The following HGSNAT variants were observed in gnomAD, a reference collection of about 807,000 sequenced individuals.
The protein encoded by HGSNAT is transmembrane protein 76.
HGSNAT carries 59 observed loss-of-function variants against 85.2 expected under a neutral mutation model. The observed-to-expected ratio is 0.69, with a 90% confidence interval of 0.56 to 0.86. The LOEUF (loss-of-function observed/expected upper bound fraction) is 0.86. HGSNAT is among the 40% of genes least tolerant of loss of function. The probability of loss-of-function intolerance (pLI) is 0.00; values close to 1 mark genes in which losing one functional copy is unlikely to be tolerated. For synonymous variants in HGSNAT, 321 were observed against 304.5 expected, an observed-to-expected ratio of 1.05 and a Z score of -0.56; for missense variants, 756 against 777.1, an observed-to-expected ratio of 0.97 and a Z score of 0.32.
rs764139757 is a variant in HGSNAT at position 43,173,592 on chromosome 8, T to C, written c.821-121T>C. ...CCACAAAGTGTTGGGATTACGGGCA[T>C]GAGTCACTGCGCCTCCCCTGGGTTT... On this transcript the variant is annotated intron_variant, in intron 8 of 17. Coordinates refer to ENST00000379644, the MANE Select transcript of HGSNAT (RefSeq NM_152419.3). 118 of 1,058,104 alleles carry C rather than the reference T, an allele frequency of 1.1e-4. No homozygotes were observed. In the Middle Eastern group the frequency reaches 2.0e-3, roughly 18 times the overall value. 65.5% of individuals were successfully genotyped at this position (1,058,104 alleles called of 1,614,324 possible).
chr8:43,143,406 C>G (rs867821963), intron 1 of HGSNAT, among the ~76,000 whole-genome samples: 1 of 152,152 alleles, frequency 6.6e-6, no homozygotes, highest in African/African-American at 2.4e-5. Flanking sequence ...ACTGGTTAGC[C>G]GTTATGTGCA....
chr8:43,189,333 G>A (rs1475042871), intron 11 of HGSNAT, among the ~76,000 whole-genome samples: 2 of 152,152 alleles, frequency 1.3e-5, no homozygotes, highest in Non-Finnish European at 2.9e-5. Context: ...CTCAGCAATG[G>A]CGGATGCCCT....
intron 7 of HGSNAT, 47 bp downstream of exon 7, chr8:43,170,741 C>G: frequency 8.3e-7 from 1 of 1,204,992 alleles, no homozygotes; most frequent in East Asian, 2.5e-5. Flanking sequence ...AGTCACAGGA[C>G]TACATAATTG....
chr8:43,196,548 T>C (rs1254864791), intron 14 of HGSNAT: 3 of 1,278,524 alleles, frequency 2.3e-6, no homozygotes, highest in Non-Finnish European at 3.1e-6. Context: ...CAGGTGCCCC[T>C]TCTCCTCCTT....
In HGSNAT at chr8:43,166,715, C is replaced by T. The variant is rs143374706; in HGVS notation, c.564-2458C>T. ...CTGTAACACAATATCCATTCTGCAG[C>T]CCATGGATCAAGGAGTAATATTGAT... is the stretch of plus-strand genomic sequence containing the variant. On this transcript the variant is annotated intron_variant, in intron 5 of 17. Transcript: ENST00000379644. Among the ~76,000 whole-genome samples the T allele has an allele frequency of 4.2e-3, 635 of 152,230 alleles. 3 individuals are homozygous for T. The highest frequency in any genetic ancestry group is 0.015 in the African/African-American group (616 of 41,520).
rs1422478369 is a variant in HGSNAT, at chr8:43,147,009, T to C, written c.180T>C (p.Asn60=). Residue 60 remains asparagine, a synonymous_variant, in exon 2 of 18, where the codon AAT becomes AAC. Coordinates refer to ENST00000379644, the MANE Select transcript of HGSNAT (RefSeq NM_152419.3). ...ATCAGGCTTTGCTACTCATCCATAA[T>C]GAACTTCTCTGGACCAACTTGACCG... ...KMDQALLLIH[N]ELLWTNLTVY... The C allele has an allele frequency of 2.5e-6, 4 of 1,611,168 alleles. No individual in the cohort carries two copies. Among genetic ancestry groups the C allele is most frequent in the Non-Finnish European group, 3.4e-6 (4 of 1,179,184 alleles).
Position 43,199,940 on chromosome 8 carries a change from CT to C in HGSNAT, c.*372del, listed in dbSNP as rs1804864339. 1 of 162,794 alleles carries C rather than the reference CT, an allele frequency of 6.1e-6. No homozygotes were observed. The highest frequency in any genetic ancestry group is 2.0e-4 in the South Asian group (1 of 5,002). 10.1% of individuals were successfully genotyped at this position (162,794 alleles called of 1,614,324 possible). On this transcript the variant is annotated 3_prime_UTR_variant, in exon 18 of 18. Coordinates refer to ENST00000379644, the MANE Select transcript of HGSNAT (RefSeq NM_152419.3). ...TCTGGTTCTTGCTGACCTTGTTGCC[CT>C]GCAAACTTCCTTTCCACGTGTACGC...
At chr8:43,197,618 T>G in intron 15 of HGSNAT, 54 bp from the exon 16 acceptor site, 1 of 1,313,008 alleles carries the variant, frequency 7.6e-7, no homozygotes, top group Non-Finnish European at 1.1e-6. Flanking sequence ...TGAAACCAAG[T>G]GTTTTCTGAG....
At chr8:43,141,477 C>G (rs1315453861) in intron 1 of HGSNAT, among the ~76,000 whole-genome samples, 1 of 152,150 alleles carries the variant, frequency 6.6e-6, no homozygotes, top group Non-Finnish European at 1.5e-5. Context: ...AGGTCTCCAT[C>G]TAGACCCCTG....
intron 5 of HGSNAT, among the ~76,000 whole-genome samples, chr8:43,167,023 A>G (rs1803456348): frequency 6.6e-6 from 1 of 152,198 alleles, no homozygotes; most frequent in Non-Finnish European, 1.5e-5. Flanking sequence ...ATAAAACTAG[A>G]ATTAGAAGTG....
In HGSNAT at chr8:43,178,144, T is replaced by C; in HGVS notation, c.922T>C (p.Phe308Leu). 3 of 1,607,276 alleles carry C rather than the reference T, an allele frequency of 1.9e-6. No homozygotes were observed. The highest frequency in any genetic ancestry group is 2.5e-6 in the Non-Finnish European group (3 of 1,177,744). Residue 308 changes from phenylalanine (F) to leucine (L), a missense_variant, in exon 10 of 18, where the codon TTC becomes CTC. Phe to Leu is a conservative substitution (Grantham distance 22). Transcript: ENST00000379644. ...TATACTGCAACGGGGGTGTTCAAAA[T>C]TCAGATTGCTGGGGAAGATTGCATG... ...TSILQRGCSK[F>L]RLLGKIAWRS...
At chr8:43,160,342 T>A (rs1448609676) in intron 4 of HGSNAT, among the ~76,000 whole-genome samples, 1 of 152,200 alleles carries the variant, frequency 6.6e-6, no homozygotes, top group African/African-American at 2.4e-5. Context: ...TAAGTGATTG[T>A]GATTCAGGCA....
At chr8:43,194,504 A>C (rs564880471) in intron 14 of HGSNAT, 1 of 985,438 alleles carries the variant, frequency 1.0e-6, no homozygotes, top group African/African-American at 1.7e-5. Flanking sequence ...GTACACTCAT[A>C]TTAGTCTGTG....
rs542975902 is a variant in HGSNAT at position 43,165,751 on chromosome 8, A to G, written c.564-3422A>G. Among the ~76,000 whole-genome samples, 52 of 152,294 alleles carry G rather than the reference A, an allele frequency of 3.4e-4. No homozygotes were observed. In the South Asian group the frequency reaches 4.6e-3, roughly 13 times the overall value. ...TAGGAGTTCGAGACCAGCCTGGCCA[A>G]CATGGCAAAACCCCATCTCTACTAA... is the stretch of plus-strand genomic sequence containing the variant. On this transcript the variant is annotated intron_variant, in intron 5 of 17. Coordinates refer to ENST00000379644, the MANE Select transcript of HGSNAT (RefSeq NM_152419.3).
rs1444363832 is a variant in HGSNAT at position 43,192,440 on chromosome 8, A to G, written c.1377+10A>G. On this transcript the variant is annotated intron_variant, in intron 13 of 17. Transcript: ENST00000379644. ...GCACCCATCTTCTGCTGTGAGTGAG[A>G]CTCGAGTTCGCTTAGAACTGGAACT... 1 of 1,599,626 alleles carries G rather than the reference A, an allele frequency of 6.3e-7. No individual in the cohort carries two copies. The highest frequency in any genetic ancestry group is 1.1e-5 in the South Asian group (1 of 88,874).
At chr8:43,181,107 G>C (rs1804086266) in intron 10 of HGSNAT, among the ~76,000 whole-genome samples, 1 of 48 alleles carries the variant, frequency 0.021, no homozygotes, top group Non-Finnish European at 0.083. Flanking sequence ...GGGAGAGGGA[G>C]AGGGAGAGGG....
chr8:43,182,248 A>G lies in HGSNAT; in HGVS notation c.1116A>G (p.Glu372=), dbSNP rs781052651. ...LELLFAKPVP[E]HCASERSCLS... ...TCCTCTTTGCTAAACCTGTGCCTGA[A>G]CATTGTGCCTCGGTGAGAAACCATG... Residue 372 remains glutamate, a synonymous_variant, in exon 11 of 18, where the codon GAA becomes GAG. Transcript: ENST00000379644. 11 of 1,613,026 alleles carry G rather than the reference A, an allele frequency of 6.8e-6. No homozygotes were observed. In the South Asian group the frequency reaches 9.9e-5, roughly 14 times the overall value.
At chr8:43,185,393 G>A (rs1804272330) in intron 11 of HGSNAT, among the ~76,000 whole-genome samples, 1 of 152,114 alleles carries the variant, frequency 6.6e-6, no homozygotes, top group African/African-American at 2.4e-5. Context: ...TATTCTCTTT[G>A]AAGCAATTGT....
At chr8:43,148,825 A>G (rs999944736) in intron 2 of HGSNAT, among the ~76,000 whole-genome samples, 19 of 151,560 alleles carry the variant, frequency 1.3e-4, no homozygotes, top group African/African-American at 4.6e-4. Context: ...AGAATTAAAA[A>G]ACAGGAAGAC....
Sources: allele counts gnomAD v4.1 joint callset (sites outside exome capture counted in the v4.1 genomes callset), GRCh38; gene constraint gnomAD v4.1.1; transcripts MANE v1.5; gene names NCBI Gene and HGNC (gene_info 2026-07-23, HGNC 2026-07-21).